The following CRACR2A variants were observed in gnomAD, a reference collection of about 807,000 sequenced individuals.
CRACR2A encodes EF-hand calcium-binding domain-containing protein 4B.
A neutral mutation model predicts 90.5 loss-of-function variants in CRACR2A; 79 were observed. That is an observed-to-expected ratio of 0.87 (90% CI 0.73 to 1.05). The LOEUF (loss-of-function observed/expected upper bound fraction) is 1.05. CRACR2A is among the 50% of genes least tolerant of loss of function. CRACR2A has a pLI of 0.00. For synonymous variants in CRACR2A, 338 were observed against 356.7 expected, an observed-to-expected ratio of 0.95 and a Z score of 0.59; for missense variants, 823 against 897.2, an observed-to-expected ratio of 0.92 and a Z score of 1.06.
At chr12:3,644,785 G>A (rs1186068596) in intron 11 of CRACR2A, 145 bp from the exon 12 acceptor site, 4 of 741,362 alleles carry the variant, frequency 5.4e-6, no homozygotes, top group African/African-American at 3.5e-5. Context: ...CCATAGGGAT[G>A]TGATTAATGG....
At chr12:3,663,074 T>A (rs1047034756) in intron 7 of CRACR2A, among the ~76,000 whole-genome samples, 4 of 152,198 alleles carry the variant, frequency 2.6e-5, no homozygotes, top group Admixed American at 6.5e-5. Flanking sequence ...CAATTAATCT[T>A]AAATAGTCCT....
At chr12:3,673,110 T>C (rs1431263703) in intron 7 of CRACR2A, among the ~76,000 whole-genome samples, 1 of 152,212 alleles carries the variant, frequency 6.6e-6, no homozygotes, top group Non-Finnish European at 1.5e-5. Flanking sequence ...GGTGTACTAC[T>C]TAACCTTTCT....
At chr12:3,747,550 A>C (rs1946645228) in intron 1 of CRACR2A, among the ~76,000 whole-genome samples, 1 of 152,220 alleles carries the variant, frequency 6.6e-6, no homozygotes, top group African/African-American at 2.4e-5. Context: ...CTGATGGACT[A>C]CAAATCCTGG....
chr12:3,719,037 G>T (rs1227532477), intron 2 of CRACR2A, among the ~76,000 whole-genome samples: 1 of 152,176 alleles, frequency 6.6e-6, no homozygotes, highest in African/African-American at 2.4e-5. Context: ...AGGGGAATTT[G>T]CTCAGGAGGC....
intron 1 of CRACR2A, among the ~76,000 whole-genome samples, chr12:3,736,188 G>C (rs1461387834): frequency 2.0e-5 from 3 of 151,954 alleles, no homozygotes; most frequent in Non-Finnish European, 4.4e-5. Flanking sequence ...CTGATGCTAT[G>C]ACCCCAACAA....
At chr12:3,724,097 C>T (rs2137823607) in intron 2 of CRACR2A, among the ~76,000 whole-genome samples, 1 of 152,306 alleles carries the variant, frequency 6.6e-6, no homozygotes, top group South Asian at 2.1e-4. Context: ...CAGCACCCGG[C>T]CCTAGTGCTC....
chr12:3,636,724 G>A (rs893627106), intron 14 of CRACR2A, among the ~76,000 whole-genome samples: 25 of 151,804 alleles, frequency 1.6e-4, no homozygotes, highest in African/African-American at 5.8e-4. Context: ...ATGTGGAAGG[G>A]CATGCAGGAG....
chr12:3,714,382 C>T (rs1435581831), intron 2 of CRACR2A, among the ~76,000 whole-genome samples: 1 of 152,202 alleles, frequency 6.6e-6, no homozygotes, highest in East Asian at 1.9e-4. Context: ...TCTAAGCCAC[C>T]TGTTGGCACC....
intron 17 of CRACR2A, among the ~76,000 whole-genome samples, chr12:3,622,035 C>G (rs925525712): frequency 6.6e-6 from 1 of 152,178 alleles, no homozygotes; most frequent in African/African-American, 2.4e-5. Context: ...TCCTCTCTGA[C>G]TTTGACCCCA....
intron 17 of CRACR2A, among the ~76,000 whole-genome samples, chr12:3,624,985 GC>G (rs60648652): frequency 0.093 from 14,220 of 152,192 alleles, 716 homozygotes; most frequent in Middle Eastern, 0.16. Flanking sequence ...GAAGGCCCTG[GC>G]CCCTGGCCTC....
intron 4 of CRACR2A, among the ~76,000 whole-genome samples, chr12:3,683,739 G>C (rs1378124017): frequency 6.6e-6 from 1 of 152,238 alleles, no homozygotes; most frequent in Non-Finnish European, 1.5e-5. Flanking sequence ...AGGCACTGTT[G>C]TGTCCCCAGG....
At chr12:3,619,042 T>C (rs16930635) in intron 18 of CRACR2A, among the ~76,000 whole-genome samples, 3,399 of 152,336 alleles carry the variant, frequency 0.022, 49 homozygotes, top group African/African-American at 0.04. Context: ...TAATTCCCCA[T>C]GCCCTAGTGG....
chr12:3,643,863 A>ATATATAT (rs374429478), intron 12 of CRACR2A, among the ~76,000 whole-genome samples: 42,153 of 90,658 alleles, frequency 0.46, 10,190 homozygotes, highest in Admixed American at 0.59. Context: ...TATTTATATT[A>ATATATAT]TATATATTAT....
rs1260541850 is a variant in CRACR2A, at chr12:3,675,271, AG to A, written c.525-1680del. ...CATGCTAGCAATGCCCCTGTGGTATAGACATTACTCTCTGCACCCTGCAGAG... is the reference window on the plus strand; with the variant it reads ...CATGCTAGCAATGCCCCTGTGGTATAACATTACTCTCTGCACCCTGCAGAG... On this transcript the variant is annotated intron_variant, in intron 6 of 19. Coordinates refer to ENST00000440314, the MANE Select transcript of CRACR2A (RefSeq NM_001144958.2). 2.0e-5 allele frequency among the ~76,000 whole-genome samples: 3 copies of A among 152,190 alleles called. No homozygotes were observed. The East Asian group carries it at 5.8e-4, about 29-fold the overall frequency.
intron 15 of CRACR2A, 120 bp from the exon 16 acceptor site, chr12:3,627,826 G>T: frequency 9.7e-7 from 1 of 1,032,846 alleles, no homozygotes. Flanking sequence ...AACCCTCCAT[G>T]TGCAGCTCGT....
intron 4 of CRACR2A, among the ~76,000 whole-genome samples, chr12:3,691,350 C>T (rs1591690528): frequency 1.3e-5 from 2 of 152,154 alleles, no homozygotes; most frequent in African/African-American, 2.4e-5. Context: ...GTAACAAATT[C>T]CCTCAGGATT....
Position 3,627,682 on chromosome 12 carries a change from A to C in CRACR2A, c.1760T>G (p.Leu587Trp). 1 of 1,551,704 alleles carries C rather than the reference A, an allele frequency of 6.4e-7. No homozygotes were observed. The highest frequency in any genetic ancestry group is 8.7e-7 in the Non-Finnish European group (1 of 1,146,990). Residue 587 changes from leucine (L) to tryptophan (W), a missense_variant, in exon 16 of 20, where the codon TTG (leucine) becomes TGG (tryptophan). Coordinates refer to ENST00000440314, the MANE Select transcript of CRACR2A (RefSeq NM_001144958.2). Reference sequence around the variant, plus strand: ...GGCCACCTGAGAGTTGTCCACATTCAACGTCTTCACACGGTAATCAATGCC... The same window carrying C: ...GGCCACCTGAGAGTTGTCCACATTCCACGTCTTCACACGGTAATCAATGCC... The part of the protein sequence containing the change: ...TVGIDYRVKT[L>W]NVDNSQVALQ...
rs555990464 is a variant in CRACR2A at position 3,680,263 on chromosome 12, G to A, written c.315C>T (p.Thr105=). The A allele has an allele frequency of 1.4e-5, 23 of 1,614,096 alleles. No homozygotes were observed. In the South Asian group the frequency reaches 2.3e-4, roughly 16 times the overall value. ...TAAATCCAGTAGTGAACTCCTGTGGGGTCAGATAGCCATTGCCATCAGCAT... is the reference window on the plus strand; with the variant it reads ...TAAATCCAGTAGTGAACTCCTGTGGAGTCAGATAGCCATTGCCATCAGCAT... ...ALDADGNGYL[T]PQEFTTGFSH... The change falls in exon 5 of 20, where the codon ACC becomes ACT. Residue 105 remains threonine, a synonymous_variant. Transcript: ENST00000440314.
intron 5 of CRACR2A, 90 bp downstream of exon 5, chr12:3,680,148 C>G: frequency 9.7e-7 from 1 of 1,035,316 alleles, no homozygotes; most frequent in Admixed American, 2.0e-5. Flanking sequence ...TTACTACCTG[C>G]CCCCCAGGTC....
Sources: allele counts gnomAD v4.1 joint callset (sites outside exome capture counted in the v4.1 genomes callset), GRCh38; gene constraint gnomAD v4.1.1; transcripts MANE v1.5; gene names NCBI Gene and HGNC (gene_info 2026-07-23, HGNC 2026-07-21).